COLEC10: variants seen among roughly 807,000 people sequenced by gnomAD.
COLEC10 encodes the protein collectin subfamily member 10, also known as collectin-10.
COLEC10 carries 22 observed loss-of-function variants against 28.4 expected under a neutral mutation model. The observed-to-expected ratio is 0.78, with a 90% CI of 0.55 to 1.11. The LOEUF (loss-of-function observed/expected upper bound fraction) is 1.11, where lower values mean the gene tolerates loss of function less well. Among genes scored for constraint, COLEC10 ranks in the 50% least tolerant of loss-of-function variants. The pLI, the probability that COLEC10 is intolerant of heterozygous loss-of-function variation, is 0.00. For synonymous variants in COLEC10, 125 were observed against 116.1 expected (o/e 1.08, Z -0.49); for missense variants, 361 against 344.1 (o/e 1.05, Z -0.39).
intron 2 of COLEC10, among the ~76,000 whole-genome samples, chr8:119,046,288 T>C (rs2130166090): frequency 6.6e-6 from 1 of 152,350 alleles, no homozygotes; most frequent in Non-Finnish European, 1.5e-5. Flanking sequence ...AAATAATGTC[T>C]GATGTCTGGC....
At chr8:119,064,479 A>G (rs1814916371), upstream of COLEC10, among the ~76,000 whole-genome samples, 1 of 152,230 alleles carries the variant, frequency 6.6e-6, no homozygotes, top group African/African-American at 2.4e-5. Context: ...TTTAAAGAGT[A>G]TCAATTTTCT....
the COLEC10 span, among the ~76,000 whole-genome samples, chr8:118,962,838 T>C: frequency 6.6e-6 from 1 of 152,240 alleles, no homozygotes; most frequent in East Asian, 1.9e-4. Flanking sequence ...CTATTATAGA[T>C]ATCTCATAAG....
At chr8:118,998,556 T>C (rs1216471685) in intron 1 of COLEC10, among the ~76,000 whole-genome samples, 1 of 151,884 alleles carries the variant, frequency 6.6e-6, no homozygotes, top group Non-Finnish European at 1.5e-5. Flanking sequence ...TTTAAGAACT[T>C]GGCCAGGCAT....
the COLEC10 span, chr8:118,983,025 TG>T: frequency 2.0e-5 from 3 of 152,208 alleles, no homozygotes; most frequent in Admixed American, 2.0e-4. Context: ...TGTGTCATCA[TG>T]GTGCTGTTTG....
intron 1 of COLEC10, chr8:119,068,887 A>G (rs1209923713): frequency 6.6e-6 from 1 of 151,956 alleles, no homozygotes; most frequent in Non-Finnish European, 1.5e-5. Context: ...CTTCATCCAG[A>G]GCCTGGAAAC....
At chr8:119,078,422 T>G (rs1815299236) in intron 1 of COLEC10, among the ~76,000 whole-genome samples, 1 of 152,104 alleles carries the variant, frequency 6.6e-6, no homozygotes, top group African/African-American at 2.4e-5. Flanking sequence ...CTGAAGGATA[T>G]GAGAAGGTCT....
rs140566592 is a variant in COLEC10 at position 119,002,207 on chromosome 8, A to G, written n.122+6634A>G. Among the ~76,000 whole-genome samples, 548 of 152,236 alleles carry G rather than the reference A, an allele frequency of 3.6e-3. 3 individuals are homozygous for G. The highest frequency in any genetic ancestry group is 0.012 in the African/African-American group (513 of 41,560). On this transcript the variant is annotated intron_variant and non_coding_transcript_variant, in intron 1 of 6. Coordinates refer to the COLEC10 transcript ENST00000521788. ...TATACTTTATGAGTTATATATTGTT[A>G]TTTCTATGGATAACTTTCATTTAAA...
chr8:119,102,206 TCC>T, intron 3 of COLEC10, 140 bp from the exon 4 acceptor site: 1 of 361,214 alleles, frequency 2.8e-6, no homozygotes, highest in Non-Finnish European at 5.0e-6. Context: ...GTAAATTCAC[TCC>T]TTCCTCCCTC....
At chr8:119,026,986 G>A (rs1196698387) in intron 2 of COLEC10, among the ~76,000 whole-genome samples, 1 of 152,176 alleles carries the variant, frequency 6.6e-6, no homozygotes, top group Non-Finnish European at 1.5e-5. Flanking sequence ...AGGGAAATAT[G>A]CTGTGGTCCT....
chr8:118,998,665 C>T (rs896697998), intron 1 of COLEC10, among the ~76,000 whole-genome samples: 8 of 139,608 alleles, frequency 5.7e-5, no homozygotes, highest in Middle Eastern at 3.6e-3. Flanking sequence ...GGAGAAACCC[C>T]GTCTCTACTG....
At chr8:119,099,005 G>T (rs912614516) in intron 3 of COLEC10, among the ~76,000 whole-genome samples, 2 of 152,018 alleles carry the variant, frequency 1.3e-5, no homozygotes, top group South Asian at 2.1e-4. Context: ...TAGCTTCCTG[G>T]ATGTCAATAT....
intron 1 of COLEC10, among the ~76,000 whole-genome samples, chr8:119,073,779 G>A (rs985379029): frequency 4.6e-5 from 7 of 152,014 alleles, no homozygotes; most frequent in South Asian, 2.1e-4. Flanking sequence ...AATTTAATAA[G>A]CCATGTCTCT....
intron 1 of COLEC10, among the ~76,000 whole-genome samples, chr8:119,087,477 CA>C (rs1251138366): frequency 6.6e-6 from 1 of 152,112 alleles, no homozygotes; most frequent in Non-Finnish European, 1.5e-5. Context: ...TCTATGAATG[CA>C]TGGAAAAAAG....
intron 2 of COLEC10, among the ~76,000 whole-genome samples, chr8:119,090,190 T>A (rs1272481891): frequency 6.6e-6 from 1 of 152,220 alleles, no homozygotes. Flanking sequence ...CAAGATCTCT[T>A]TATTTCTTTA....
intron 1 of COLEC10, among the ~76,000 whole-genome samples, chr8:119,079,115 C>T (rs1179151063): frequency 6.6e-6 from 1 of 151,812 alleles, no homozygotes; most frequent in East Asian, 1.9e-4. Context: ...TTGTCCTCTT[C>T]CTTGTACCTC....
At chr8:119,071,167 G>A (rs182287722) in intron 1 of COLEC10, among the ~76,000 whole-genome samples, 3 of 152,228 alleles carry the variant, frequency 2.0e-5, no homozygotes, top group South Asian at 2.1e-4. Flanking sequence ...CTCACAGCCC[G>A]GCATTGTCTT....
chr8:118,987,358 G>A, the COLEC10 span, among the ~76,000 whole-genome samples: 1 of 152,116 alleles, frequency 6.6e-6, no homozygotes, highest in Non-Finnish European at 1.5e-5. Context: ...GAGGCCAGGG[G>A]TTTGAGACCA....
At chr8:118,987,191 A>G in the COLEC10 span, among the ~76,000 whole-genome samples, 1 of 152,174 alleles carries the variant, frequency 6.6e-6, no homozygotes, top group Non-Finnish European at 1.5e-5. Flanking sequence ...GTAAGTGGAA[A>G]TTTAGAACTT....
At chr8:119,006,481 G>A (rs1471985989) in intron 1 of COLEC10, among the ~76,000 whole-genome samples, 1 of 151,972 alleles carries the variant, frequency 6.6e-6, no homozygotes, top group Non-Finnish European at 1.5e-5. Context: ...ACTGTTTTGT[G>A]GGAAACACTC....
Sources: gnomAD v4.1 joint callset for allele counts (sites outside exome capture counted in the v4.1 genomes callset) on GRCh38, gnomAD v4.1.1 for gene constraint, MANE v1.5 for transcripts, NCBI Gene and HGNC (gene_info 2026-07-23, HGNC 2026-07-21) for gene names.